ITPR1: variants seen among roughly 807,000 people sequenced by gnomAD.
The protein encoded by ITPR1 is inositol 1,4,5-trisphosphate receptor type 1.
In ITPR1, 96 loss-of-function variants were observed where a neutral mutation model predicts 318.4. That is an observed-to-expected ratio of 0.30 (90% CI 0.26 to 0.36). The LOEUF (loss-of-function observed/expected upper bound fraction) is 0.36. ITPR1 is among the 10% of genes least tolerant of loss of function. The pLI, the probability that ITPR1 is intolerant of heterozygous loss-of-function variation, is 1.00. For synonymous variants in ITPR1, 1,312 were observed against 1,289.9 expected (o/e 1.02, Z -0.37); for missense variants, 2,440 against 3,460.2 (o/e 0.71, Z 7.40).
chr3:4,609,431 T>G (rs889291291), intron 4 of ITPR1, among the ~76,000 whole-genome samples: 1 of 152,050 alleles, frequency 6.6e-6, no homozygotes, highest in Non-Finnish European at 1.5e-5. Context: ...CGTTTTTGAG[T>G]AAGTCCTGAT....
intron 26 of ITPR1, among the ~76,000 whole-genome samples, chr3:4,682,626 C>T (rs1415841564): frequency 6.6e-6 from 1 of 152,200 alleles, no homozygotes; most frequent in Non-Finnish European, 1.5e-5. Flanking sequence ...TAGCATAATA[C>T]AGGTTCCATG....
chr3:4,679,569 G>A (rs1037471488), intron 24 of ITPR1, among the ~76,000 whole-genome samples: 6 of 152,226 alleles, frequency 3.9e-5, no homozygotes, highest in Admixed American at 2.0e-4. Context: ...GCCCTCCGTG[G>A]ATTGGATGGT....
chr3:4,762,704 G>C (rs1437076078), intron 44 of ITPR1, among the ~76,000 whole-genome samples: 2 of 152,152 alleles, frequency 1.3e-5, no homozygotes, highest in Non-Finnish European at 2.9e-5. Context: ...CAAGGACCTG[G>C]GACTCACACC....
At chr3:4,535,957 A>G (rs1020398735) in intron 4 of ITPR1, among the ~76,000 whole-genome samples, 5 of 152,190 alleles carry the variant, frequency 3.3e-5, no homozygotes, top group African/African-American at 1.2e-4. Context: ...CTACTTATCA[A>G]GAGCCCCAGC....
intron 2 of ITPR1, among the ~76,000 whole-genome samples, chr3:4,498,105 G>C (rs2080739814): frequency 6.6e-6 from 1 of 152,184 alleles, no homozygotes; most frequent in South Asian, 2.1e-4. Context: ...AGATGAAAAA[G>C]TTCTGGAAAT....
chr3:4,688,429 TG>T, intron 30 of ITPR1, 65 bp from the exon 31 acceptor site: 1 of 1,587,914 alleles, frequency 6.3e-7, no homozygotes. Flanking sequence ...CAGGAGGTGT[TG>T]GGTATAGGAG....
In ITPR1 at chr3:4,691,206, C is replaced by G; in HGVS notation, c.3891C>G (p.Ile1297Met). 6.2e-7 allele frequency: 1 copy of G among 1,613,118 alleles called. No homozygotes were observed. The highest frequency in any genetic ancestry group is 8.5e-7 in the Non-Finnish European group (1 of 1,179,386). Residue 1297 changes from isoleucine to methionine, a missense_variant, in exon 32 of 62, where the codon ATC (isoleucine) becomes ATG (methionine). Around this residue, in one of 23 missense-constraint regions of ITPR1, gnomAD observed 222 missense variants for 318.8 expected, o/e 0.70. Transcript: ENST00000649015. ...FMNNFQLCSE[I>M]NERVVQHFVH... ...ACAATTTCCAGCTTTGCAGTGAGATCAACGAGAGAGTTGTTCAGCACTTCG... is the reference window on the plus strand; with the variant it reads ...ACAATTTCCAGCTTTGCAGTGAGATGAACGAGAGAGTTGTTCAGCACTTCG...
At chr3:4,729,857 T>C (rs1286716626) in intron 42 of ITPR1, among the ~76,000 whole-genome samples, 1 of 152,098 alleles carries the variant, frequency 6.6e-6, no homozygotes, top group Non-Finnish European at 1.5e-5. Flanking sequence ...GGAAAAAAAC[T>C]GGTATTATTT....
intron 17 of ITPR1, among the ~76,000 whole-genome samples, chr3:4,665,740 T>C (rs1475971132): frequency 1.3e-5 from 2 of 152,202 alleles, no homozygotes; most frequent in East Asian, 3.8e-4. Flanking sequence ...TATAGAGATA[T>C]CTTATACATA....
At chr3:4,763,151 T>G (rs1298090827) in intron 44 of ITPR1, among the ~76,000 whole-genome samples, 1 of 152,016 alleles carries the variant, frequency 6.6e-6, no homozygotes, top group Non-Finnish European at 1.5e-5. Flanking sequence ...AGCTGAACAA[T>G]GAGAACACAT....
At chr3:4,580,207 C>G (rs2089177684) in intron 4 of ITPR1, among the ~76,000 whole-genome samples, 1 of 151,862 alleles carries the variant, frequency 6.6e-6, no homozygotes, top group African/African-American at 2.4e-5. Context: ...CAGACTCCGT[C>G]TCAAAAAAAA....
At chr3:4,735,441 A>AGC in intron 44 of ITPR1, 87 bp downstream of exon 44, 1 of 1,167,042 alleles carries the variant, frequency 8.6e-7, no homozygotes, top group South Asian at 1.3e-5. Context: ...GGGTGGTACC[A>AGC]AGCCTTGTTT....
At chr3:4,604,689 GA>G (rs1239347904) in intron 4 of ITPR1, among the ~76,000 whole-genome samples, 1 of 152,124 alleles carries the variant, frequency 6.6e-6, no homozygotes, top group Non-Finnish European at 1.5e-5. Context: ...GCCCTGCGCA[GA>G]AGAGAACCTA....
At chr3:4,731,555 TC>T (rs1355707248) in intron 42 of ITPR1, among the ~76,000 whole-genome samples, 1 of 152,186 alleles carries the variant, frequency 6.6e-6, no homozygotes, top group Non-Finnish European at 1.5e-5. Flanking sequence ...TTTTTTGTTT[TC>T]TGCACATTCA....
chr3:4,823,406 G>A (rs1407058493), intron 60 of ITPR1, among the ~76,000 whole-genome samples: 1 of 152,130 alleles, frequency 6.6e-6, no homozygotes, highest in Middle Eastern at 3.2e-3. Flanking sequence ...ACTAACATAA[G>A]TGCCCATCAA....
intron 3 of ITPR1, among the ~76,000 whole-genome samples, chr3:4,518,358 T>A (rs2082312243): frequency 6.6e-6 from 1 of 152,240 alleles, no homozygotes; most frequent in African/African-American, 2.4e-5. Flanking sequence ...AGTGTTTTCC[T>A]CAAACATTGT....
chr3:4,767,277 G>A (rs193087605), intron 45 of ITPR1, among the ~76,000 whole-genome samples: 5 of 152,282 alleles, frequency 3.3e-5, no homozygotes, highest in Admixed American at 3.3e-4. Flanking sequence ...AGGACTGTCT[G>A]GCTGTCCTGT....
At chr3:4,684,594 G>C (rs1406457224) in intron 29 of ITPR1, among the ~76,000 whole-genome samples, 3 of 152,110 alleles carry the variant, frequency 2.0e-5, no homozygotes, top group African/African-American at 7.2e-5. Flanking sequence ...CCTTTCGTAG[G>C]CACCGCATAT....
At chr3:4,675,884 A>G (rs1019416558) in intron 23 of ITPR1, among the ~76,000 whole-genome samples, 18 of 152,262 alleles carry the variant, frequency 1.2e-4, no homozygotes, top group East Asian at 5.8e-4. Flanking sequence ...GTTGCATTAT[A>G]CCATTTAGTT....
Sources: gnomAD v4.1 joint callset for allele counts (sites outside exome capture counted in the v4.1 genomes callset) on GRCh38, gnomAD v4.1.1 for gene constraint, gnomAD v4.1.1 regional missense constraint, MANE v1.5 for transcripts, NCBI Gene and HGNC (gene_info 2026-07-23, HGNC 2026-07-21) for gene names.